Variants in YEATS4 observed in about 807,000 individuals in gnomAD.
The protein encoded by YEATS4 is YEATS domain-containing protein 4.
Under a neutral mutation model 30.1 loss-of-function variants are expected in YEATS4, and 17 were observed. The ratio of observed to expected loss-of-function variants is 0.56; its 90% CI spans 0.39 to 0.85. The LOEUF is 0.85. YEATS4 is among the 40% of genes least tolerant of loss of function. The pLI is 0.00. For synonymous variants in YEATS4, 85 were observed against 87.5 expected, an observed-to-expected ratio of 0.97 and a Z score of 0.16; for missense variants, 142 against 268.3, an observed-to-expected ratio of 0.53 and a Z score of 3.29.
intron 1 of YEATS4, among the ~76,000 whole-genome samples, chr12:69,362,021 T>TTTTTTTTGTTTTG (rs1030982795): frequency 1.5e-4 from 21 of 142,814 alleles, no homozygotes; most frequent in African/African-American, 5.5e-4. Context: ...TTGTTTTTTT[T>TTTTTTTTGTTTTG]TTTTTTTTTT....
intron 6 of YEATS4, among the ~76,000 whole-genome samples, chr12:69,389,687 A>G (rs1162524615): frequency 6.6e-6 from 1 of 151,570 alleles, no homozygotes; most frequent in Non-Finnish European, 1.5e-5. Flanking sequence ...CTAATTTTGT[A>G]TTTTTGATAG....
intron 1 of YEATS4, among the ~76,000 whole-genome samples, chr12:69,362,013 G>GTTTTTGTTTT (rs1555174243): frequency 0.026 from 1,770 of 68,738 alleles, 49 homozygotes; most frequent in Non-Finnish European, 0.04. Context: ...GTGTTTGGTT[G>GTTTTTGTTTT]TTTTTTTTTT....
chr12:69,395,489 G>C (rs892818161), downstream of YEATS4, among the ~76,000 whole-genome samples: 8 of 152,084 alleles, frequency 5.3e-5, no homozygotes, highest in Non-Finnish European at 1.0e-4. Context: ...ATTTTTATAA[G>C]TAATATGTTA....
At position 69,362,840 on chromosome 12, in the gene YEATS4, GAAAGA is replaced by G. The variant is rs751685648; in HGVS notation, c.110_114del (p.Lys37ArgfsTer17). The G allele has an allele frequency of 3.1e-6, 5 of 1,612,616 alleles. No individual in the cohort carries two copies. Among genetic ancestry groups the G allele is most frequent in the East Asian group, 4.5e-5 (2 of 44,742 alleles). On this transcript the variant is annotated frameshift_variant, in exon 2 of 7. Transcript: ENST00000247843. LOFTEE classifies it high-confidence loss of function. ...TACGGTAATGTTGCTCGGTATTTTGGAAAGAAAAGAGAAGAAGATGGGCACACTCA... is the reference window on the plus strand; with the variant it reads ...TACGGTAATGTTGCTCGGTATTTTGGAAAGAGAAGAAGATGGGCACACTCA...
intron 2 of YEATS4, 46 bp from the exon 3 acceptor site, chr12:69,365,587 G>C (rs201893522): frequency 5.7e-6 from 8 of 1,402,242 alleles, no homozygotes; most frequent in Admixed American, 5.6e-5. Context: ...TTTTTTCCTA[G>C]TTTTCATTTG....
At chr12:69,395,964 A>G in the YEATS4 span, among the ~76,000 whole-genome samples, 2 of 152,088 alleles carry the variant, frequency 1.3e-5, no homozygotes, top group Admixed American at 1.3e-4. Flanking sequence ...AATTATTTTT[A>G]GTTATTTTTA....
At chr12:69,364,892 T>A (rs1875369264) in intron 2 of YEATS4, among the ~76,000 whole-genome samples, 1 of 152,108 alleles carries the variant, frequency 6.6e-6, no homozygotes, top group South Asian at 2.1e-4. Flanking sequence ...AGTGCTGGGA[T>A]TACAGGCGTG....
chr12:69,360,688 G>C (rs1384121337), intron 1 of YEATS4, among the ~76,000 whole-genome samples: 1 of 146,362 alleles, frequency 6.8e-6, no homozygotes, highest in African/African-American at 2.5e-5. Context: ...TTTTTGAGAC[G>C]AAGTGTCTGT....
At chr12:69,379,001 C>G (rs752062474) in intron 6 of YEATS4, among the ~76,000 whole-genome samples, 1 of 152,134 alleles carries the variant, frequency 6.6e-6, no homozygotes, top group Non-Finnish European at 1.5e-5. Flanking sequence ...TCTCCATGTT[C>G]GAAGGCTATT....
At chr12:69,369,906 G>C (rs951296078) in intron 4 of YEATS4, among the ~76,000 whole-genome samples, 5 of 152,048 alleles carry the variant, frequency 3.3e-5, no homozygotes, top group East Asian at 1.9e-4. Context: ...TTGTCTTTAG[G>C]GGGAGTTGAT....
chr12:69,414,357 G>A, the YEATS4 span, among the ~76,000 whole-genome samples: 2 of 152,100 alleles, frequency 1.3e-5, no homozygotes, highest in African/African-American at 4.8e-5. Flanking sequence ...AGCCTCCCCA[G>A]TAGCTGGGAC....
intron 1 of YEATS4, among the ~76,000 whole-genome samples, chr12:69,360,348 A>G (rs111740909): frequency 3.3e-5 from 5 of 152,302 alleles, no homozygotes; most frequent in African/African-American, 1.2e-4. Context: ...TTCGCTGCCA[A>G]TCTAGGTTAT....
the YEATS4 span, among the ~76,000 whole-genome samples, chr12:69,414,741 C>G: frequency 2.4e-4 from 37 of 152,162 alleles, no homozygotes; most frequent in Non-Finnish European, 7.3e-5. Context: ...CCCTTGACTT[C>G]CAAAGTGAGA....
chr12:69,377,516 C>T (rs544813384), intron 6 of YEATS4, among the ~76,000 whole-genome samples: 31 of 152,272 alleles, frequency 2.0e-4, no homozygotes, highest in East Asian at 1.5e-3. Flanking sequence ...CCACCTCAGC[C>T]TCCCAAAGTG....
At chr12:69,424,074 A>G in the YEATS4 span, among the ~76,000 whole-genome samples, 4 of 152,216 alleles carry the variant, frequency 2.6e-5, no homozygotes, top group Non-Finnish European at 4.4e-5. Context: ...CAACCTAAGA[A>G]TGAAAGCCAA....
the YEATS4 span, among the ~76,000 whole-genome samples, chr12:69,425,112 G>A: frequency 4.0e-3 from 607 of 151,984 alleles, 20 homozygotes; most frequent in Non-Finnish European, 7.9e-4. Context: ...AGTAGAGACG[G>A]GGGTTTCTCC....
chr12:69,386,799 A>G (rs1419826333), intron 6 of YEATS4, among the ~76,000 whole-genome samples: 1 of 152,182 alleles, frequency 6.6e-6, no homozygotes, highest in Non-Finnish European at 1.5e-5. Context: ...GAGAGGACAC[A>G]TTCCAAGAAC....
the YEATS4 span, among the ~76,000 whole-genome samples, chr12:69,413,367 A>C: frequency 3.3e-5 from 5 of 151,872 alleles, no homozygotes; most frequent in African/African-American, 1.2e-4. Context: ...AAAAAAAAAA[A>C]AAAAAAACTA....
intron 6 of YEATS4, 99 bp from the exon 7 acceptor site, chr12:69,390,048 A>G (rs1868298534): frequency 2.0e-6 from 2 of 983,464 alleles, no homozygotes; most frequent in Admixed American, 3.6e-5. Context: ...ACATTTCATC[A>G]TGGAAACATT....
Sources: gnomAD v4.1 joint callset for allele counts (sites outside exome capture counted in the v4.1 genomes callset) on GRCh38, gnomAD v4.1.1 for gene constraint, MANE v1.5 for transcripts, NCBI Gene and HGNC (gene_info 2026-07-23, HGNC 2026-07-21) for gene names.